Variants in TNFAIP8L1 observed in about 807,000 individuals in gnomAD.
TNFAIP8L1 encodes tumor necrosis factor alpha-induced protein 8-like protein 1.
For missense variants in TNFAIP8L1, 225 were observed against 266.1 expected (o/e 0.85, Z 1.08); for synonymous variants, 127 against 125.6 (o/e 1.01, Z -0.08).
At chr19:4,647,022 C>G (rs1283244217) in intron 1 of TNFAIP8L1, among the ~76,000 whole-genome samples, 1 of 152,186 alleles carries the variant, frequency 6.6e-6, no homozygotes, top group Non-Finnish European at 1.5e-5. Flanking sequence ...GGTGCATCCA[C>G]GCTGGAGCTT....
rs1160807022 is a variant in TNFAIP8L1, at chr19:4,653,493, A to C, written c.*1063A>C. 6.0e-6 allele frequency: 1 copy of C among 165,800 alleles called. No individual in the cohort carries two copies. The highest frequency in any genetic ancestry group is 2.0e-4 in the East Asian group (1 of 5,106). 10.3% of individuals were successfully genotyped at this position (165,800 alleles called of 1,614,324 possible). ...CGTGGTGGGCCGGGCGTGGTGGCTC[A>C]CACCTGTAATCCCAGCACTTTGGGA... On this transcript the variant is annotated 3_prime_UTR_variant, in exon 2 of 2. Coordinates refer to ENST00000327473, the MANE Select transcript of TNFAIP8L1 (RefSeq NM_152362.3).
chr19:4,650,357 G>C (rs1286074846), intron 1 of TNFAIP8L1, among the ~76,000 whole-genome samples: 1 of 152,062 alleles, frequency 6.6e-6, no homozygotes, highest in East Asian at 1.9e-4. Flanking sequence ...TGGGGCCTTA[G>C]GGTATTGAGG....
chr19:4,650,185 G>C (rs1412116655), intron 1 of TNFAIP8L1, among the ~76,000 whole-genome samples: 2 of 152,184 alleles, frequency 1.3e-5, no homozygotes, highest in Non-Finnish European at 2.9e-5. Flanking sequence ...GGGGTGCAGA[G>C]CTGGGGAGCA....
intron 1 of TNFAIP8L1, among the ~76,000 whole-genome samples, chr19:4,650,422 T>C (rs2088351019): frequency 6.6e-6 from 1 of 151,492 alleles, no homozygotes; most frequent in Non-Finnish European, 1.5e-5. Context: ...TCCTGGGAGC[T>C]TTGAGGAGCT....
rs890490078 is a variant in TNFAIP8L1 at position 4,654,241 on chromosome 19, G to C, written c.*1811G>C. On this transcript the variant is annotated 3_prime_UTR_variant, in exon 2 of 2. Coordinates refer to ENST00000327473, the MANE Select transcript of TNFAIP8L1 (RefSeq NM_152362.3). ...AAGCTGGAGACCTCTGCCCTGGGTC[G>C]GGAGGGGAAACTGCTCCAATCCAGG... 6.6e-6 allele frequency: 1 copy of C among 152,300 alleles called. No homozygotes were observed. The allele number at this position is 152,300 out of a possible 1,614,324, so 9.4% of individuals were successfully genotyped here.
Position 4,645,015 on chromosome 19 carries a change from G to A in TNFAIP8L1, c.-4+5386G>A, listed in dbSNP as rs1012069065. On this transcript the variant is annotated intron_variant, in intron 1 of 1. Coordinates refer to ENST00000327473, the MANE Select transcript of TNFAIP8L1 (RefSeq NM_152362.3). The surrounding 1 kb of genome is among the most constrained non-coding windows in gnomAD (Gnocchi z 4.1). The stretch of plus-strand genomic sequence containing the variant: ...GGCCTGAGGCCCCCCCTGGGCCCCC[G>A]GACTGAGTGCAGCCGGGGCTGAGAC... 7.2e-5 allele frequency among the ~76,000 whole-genome samples: 11 copies of A among 152,168 alleles called. No homozygotes were observed. In the East Asian group the frequency reaches 1.2e-3, roughly 16 times the overall value.
At chr19:4,640,927 T>A (rs1054549680) in intron 1 of TNFAIP8L1, 2 of 152,126 alleles carry the variant, frequency 1.3e-5, no homozygotes, top group African/African-American at 4.8e-5. Context: ...CAAAGGGCTG[T>A]CTCCAGCCAC....
At chr19:4,650,844 T>C (rs1399545103) in intron 1 of TNFAIP8L1, among the ~76,000 whole-genome samples, 1 of 151,782 alleles carries the variant, frequency 6.6e-6, no homozygotes, top group Non-Finnish European at 1.5e-5. Context: ...GGGGGCCAGG[T>C]GTGGTGGCGG....
chr19:4,644,719 G>A (rs891146811), intron 1 of TNFAIP8L1, among the ~76,000 whole-genome samples: 17 of 149,124 alleles, frequency 1.1e-4, no homozygotes, highest in Non-Finnish European at 2.2e-4. Flanking sequence ...GTCTCGTGAC[G>A]CAGCCTCCCG....
chr19:4,643,477 T>C lies in TNFAIP8L1; in HGVS notation c.-4+3848T>C, dbSNP rs115691020. ...CCTCGAACCCTTTCTCCAGTGGAAATCTGGCCACAGTGGAAAGTGTCCAGG... is the reference window on the plus strand; with the variant it reads ...CCTCGAACCCTTTCTCCAGTGGAAACCTGGCCACAGTGGAAAGTGTCCAGG... On this transcript the variant is annotated intron_variant, in intron 1 of 1. Transcript: ENST00000327473. 5.9e-3 allele frequency among the ~76,000 whole-genome samples: 902 copies of C among 152,206 alleles called. 8 individuals are homozygous for C. The highest frequency in any genetic ancestry group is 0.021 in the African/African-American group (866 of 41,522).
chr19:4,647,433 A>G (rs929457015), intron 1 of TNFAIP8L1, among the ~76,000 whole-genome samples: 13 of 151,608 alleles, frequency 8.6e-5, no homozygotes, highest in African/African-American at 3.2e-4. Context: ...CTCAGCCTCC[A>G]GAGTAGCTGG....
intron 1 of TNFAIP8L1, among the ~76,000 whole-genome samples, chr19:4,643,001 G>A (rs1190627033): frequency 6.6e-6 from 1 of 152,006 alleles, no homozygotes; most frequent in Non-Finnish European, 1.5e-5. Context: ...GGTTGCGTTA[G>A]GCCAGGCAGG....
intron 1 of TNFAIP8L1, among the ~76,000 whole-genome samples, chr19:4,649,890 G>A (rs1216103870): frequency 6.6e-6 from 1 of 152,220 alleles, no homozygotes; most frequent in Admixed American, 6.5e-5. Flanking sequence ...ACTTCTCCCG[G>A]AGTCTGAACT....
chr19:4,642,712 G>C (rs537361977), intron 1 of TNFAIP8L1, among the ~76,000 whole-genome samples: 1 of 151,802 alleles, frequency 6.6e-6, no homozygotes, highest in South Asian at 2.1e-4. Flanking sequence ...GAGGCCCGTG[G>C]GGCTGGAGCA....
At chr19:4,647,776 C>A (rs894685830) in intron 1 of TNFAIP8L1, among the ~76,000 whole-genome samples, 2 of 151,904 alleles carry the variant, frequency 1.3e-5, no homozygotes, top group African/African-American at 4.8e-5. Flanking sequence ...ACCCGTGCCA[C>A]CATGCCTGGC....
chr19:4,649,418 G>T (rs142820302), intron 1 of TNFAIP8L1, among the ~76,000 whole-genome samples: 2 of 152,126 alleles, frequency 1.3e-5, no homozygotes, highest in Non-Finnish European at 2.9e-5. Context: ...AGTTCGTTCC[G>T]ATCTTCCCCA....
chr19:4,647,512 A>G (rs555576244), intron 1 of TNFAIP8L1, among the ~76,000 whole-genome samples: 53 of 149,336 alleles, frequency 3.5e-4, no homozygotes, highest in Non-Finnish European at 4.3e-4. Flanking sequence ...AGGTTTCACC[A>G]TGTTGGCCAG....
Position 4,645,242 on chromosome 19 carries a change from G to A in TNFAIP8L1, c.-4+5613G>A, listed in dbSNP as rs546477697. 6.6e-6 allele frequency among the ~76,000 whole-genome samples: 1 copy of A among 152,264 alleles called. No individual in the cohort carries two copies. Among genetic ancestry groups the A allele is most frequent in the Admixed American group, 6.5e-5 (1 of 15,298 alleles). On this transcript the variant is annotated intron_variant, in intron 1 of 1. Coordinates refer to ENST00000327473, the MANE Select transcript of TNFAIP8L1 (RefSeq NM_152362.3). This position sits in a 1 kb window ranked among gnomAD's most constrained non-coding sequence, Gnocchi z 4.1. ...GTTAAACGCAGCCATTATTTAACGT[G>A]GGAGAATATAAACTTATAGTTAAGG...
At chr19:4,651,762 GAAAC>G in intron 1 of TNFAIP8L1, 101 bp from the exon 2 acceptor site, 2 of 1,320,498 alleles carry the variant, frequency 1.5e-6, no homozygotes, top group Non-Finnish European at 2.0e-6. Flanking sequence ...ACTTTTTAAA[GAAAC>G]AAATTCCGTT....
Sources: gnomAD v4.1 joint callset for allele counts (sites outside exome capture counted in the v4.1 genomes callset) on GRCh38, gnomAD v4.1.1 for gene constraint, Gnocchi (gnomAD v3.1) non-coding constraint, MANE v1.5 for transcripts, NCBI Gene and HGNC (gene_info 2026-07-23, HGNC 2026-07-21) for gene names.